Variants in HGF observed in about 807,000 individuals in gnomAD.
The protein encoded by HGF is hepatocyte growth factor, also known as fibroblast-derived tumor cytotoxic factor.
Under a neutral mutation model 111.6 loss-of-function variants are expected in HGF, and 39 were observed. The observed-to-expected ratio is 0.35, with a 90% CI of 0.27 to 0.46. HGF has a LOEUF of 0.46. Ranked by LOEUF, HGF falls within the 20% of genes least tolerant of loss-of-function variation. HGF has a pLI of 1.00. For synonymous variants in HGF, 285 were observed against 294.8 expected, an observed-to-expected ratio of 0.97 and a Z score of 0.34; for missense variants, 735 against 910.5, an observed-to-expected ratio of 0.81 and a Z score of 2.48.
In HGF at chr7:81,706,447, T is replaced by C. The variant is rs771151236; in HGVS notation, c.1617-20A>G. The stretch of plus-strand genomic sequence containing the variant: ...AAGTCTCTGTTTTGAAGGAAAAAAA[T>C]TTAAATGTAAAACATAATAATTCCA... On this transcript the variant is annotated intron_variant, in intron 14 of 17. Coordinates refer to ENST00000222390, the MANE Select transcript of HGF (RefSeq NM_000601.6). The C allele has an allele frequency of 5.0e-6, 8 of 1,592,988 alleles. No individual in the cohort carries two copies. Among genetic ancestry groups the C allele is most frequent in the Non-Finnish European group, 6.9e-6 (8 of 1,161,532 alleles).
chr7:81,736,633 A>G, intron 7 of HGF: 1 of 436,706 alleles, frequency 2.3e-6, no homozygotes, highest in Non-Finnish European at 4.5e-6. Context: ...CCAACTAGGT[A>G]AGGAAGAAAG....
intron 6 of HGF, 46 bp from the exon 7 acceptor site, chr7:81,743,517 C>T (rs779797115): frequency 1.8e-6 from 2 of 1,132,858 alleles, no homozygotes; most frequent in Non-Finnish European, 2.7e-6. Context: ...TGCCTGGAAA[C>T]ACCACCCACC....
intron 5 of HGF, among the ~76,000 whole-genome samples, chr7:81,745,808 G>A (rs5745658): frequency 3.9e-4 from 60 of 152,300 alleles, no homozygotes; most frequent in African/African-American, 1.3e-3. Flanking sequence ...ATAAGCTAAT[G>A]TAATTAGGTA....
At chr7:81,729,844 T>TTAGA in intron 7 of HGF, 65 bp from the exon 8 acceptor site, 1 of 1,474,030 alleles carries the variant, frequency 6.8e-7, no homozygotes, top group Non-Finnish European at 9.4e-7. Context: ...CATTTGCCTC[T>TTAGA]TAGAGTTCAT....
chr7:81,718,581 C>T (rs5745712), intron 10 of HGF, among the ~76,000 whole-genome samples: 3,495 of 152,200 alleles, frequency 0.023, 133 homozygotes, highest in African/African-American at 0.078. Context: ...TTCCAAAAGT[C>T]AAACCTAAAC....
chr7:81,716,141 G>C (rs1487449427), intron 11 of HGF, among the ~76,000 whole-genome samples: 6 of 152,048 alleles, frequency 3.9e-5, no homozygotes, highest in Non-Finnish European at 7.4e-5. Context: ...GCCCTCCAGG[G>C]GACATTGGCA....
chr7:81,746,482 T>C (rs967628692), intron 5 of HGF, among the ~76,000 whole-genome samples: 6 of 152,168 alleles, frequency 3.9e-5, no homozygotes, highest in African/African-American at 1.4e-4. Context: ...TATCTCTCTC[T>C]TTTTTTAAAG....
chr7:81,733,515 A>G (rs1044716994), intron 7 of HGF, among the ~76,000 whole-genome samples: 1 of 152,030 alleles, frequency 6.6e-6, no homozygotes, highest in Admixed American at 6.6e-5. Flanking sequence ...CACAAACTAG[A>G]GTATTTAGCT....
At chr7:81,752,032 T>A (rs2116115474) in intron 5 of HGF, 88 bp downstream of exon 5, 1 of 1,575,422 alleles carries the variant, frequency 6.3e-7, no homozygotes, top group East Asian at 2.3e-5. Flanking sequence ...TTGTTATGAT[T>A]GATTCGTTGC....
Position 81,743,471 on chromosome 7 carries a change from T to TGG in HGF, c.747-1_747insCC (p.Arg249SerfsTer46). 1 of 1,587,302 alleles carries TGG rather than the reference T, an allele frequency of 6.3e-7. No homozygotes were observed. Among genetic ancestry groups the TGG allele is most frequent in the Non-Finnish European group, 8.7e-7 (1 of 1,155,482 alleles). On this transcript the variant is annotated frameshift_variant and splice_region_variant. Transcript: ENST00000222390. LOFTEE classifies it high-confidence loss of function. ...TATCATCAAAGCCCTTGTCGGGATA[T>TGG]CTGCAAACCACACCAAGAAAAGTGT...
At chr7:81,709,493 T>G (rs1363773384) in intron 13 of HGF, among the ~76,000 whole-genome samples, 5 of 152,200 alleles carry the variant, frequency 3.3e-5, no homozygotes, top group South Asian at 2.1e-4. Flanking sequence ...TTAATTCTTA[T>G]GACATAATTA....
At chr7:81,713,997 T>C (rs911441547) in intron 11 of HGF, among the ~76,000 whole-genome samples, 16 of 135,442 alleles carry the variant, frequency 1.2e-4, no homozygotes, top group African/African-American at 3.5e-4. Flanking sequence ...TGCGTGTGTG[T>C]GTGTGTGTGT....
chr7:81,706,307 C>A lies in HGF; in HGVS notation c.1737G>T (p.Leu579=). Residue 579 remains leucine (L), a synonymous_variant, in exon 15 of 18, where the codon CTG becomes CTT. Transcript: ENST00000222390. Reference sequence around the variant, plus strand: ...CTAACCTGGCAAGCTTCATTAAAACCAGATCTGATCCTTCAGGGCCATATA... The same window carrying A: ...CTAACCTGGCAAGCTTCATTAAAACAAGATCTGATCCTTCAGGGCCATATA... ...QLVYGPEGSD[L]VLMKLARPAV... is the part of the protein sequence containing the mutation. 1 of 1,612,636 alleles carries A rather than the reference C, an allele frequency of 6.2e-7. No homozygotes were observed.
At chr7:81,708,186 C>T (rs1789477257) in intron 13 of HGF, among the ~76,000 whole-genome samples, 1 of 152,018 alleles carries the variant, frequency 6.6e-6, no homozygotes, top group African/African-American at 2.4e-5. Flanking sequence ...TGGCCTTTAC[C>T]ACACAGGAGG....
intron 12 of HGF, among the ~76,000 whole-genome samples, chr7:81,711,233 G>A (rs142038816): frequency 1.3e-3 from 196 of 152,178 alleles, no homozygotes; most frequent in African/African-American, 4.6e-3. Flanking sequence ...CACTCTTTTC[G>A]AAATCACATA....
chr7:81,731,848 T>C (rs1787668001), intron 7 of HGF, among the ~76,000 whole-genome samples: 1 of 152,114 alleles, frequency 6.6e-6, no homozygotes, highest in Admixed American at 6.6e-5. Flanking sequence ...CTTAACATGC[T>C]AAAAGAAAAT....
At position 81,701,430 on chromosome 7, in the gene HGF, T is replaced by C. The variant is rs1180291334; in HGVS notation, c.*1151A>G. Reference sequence around the variant, plus strand: ...TTTCTCCAATATATACTTTAATGCATGACTTGATGAAGGGTATTTATAAAA... The same window carrying C: ...TTTCTCCAATATATACTTTAATGCACGACTTGATGAAGGGTATTTATAAAA... On this transcript the variant is annotated 3_prime_UTR_variant, in exon 18 of 18. Transcript: ENST00000222390. The C allele has an allele frequency of 6.6e-6, 1 of 151,552 alleles. No homozygotes were observed. The highest frequency in any genetic ancestry group is 1.5e-5 in the Non-Finnish European group (1 of 67,630). The allele number at this position is 151,552 out of a possible 1,614,324, so 9.4% of individuals were successfully genotyped here.
chr7:81,759,571 C>T (rs922832175), intron 2 of HGF, among the ~76,000 whole-genome samples: 61 of 151,616 alleles, frequency 4.0e-4, no homozygotes, highest in Non-Finnish European at 4.0e-4. Flanking sequence ...GTGGTGTGAT[C>T]TCGGCTCACT....
intron 11 of HGF, among the ~76,000 whole-genome samples, chr7:81,714,654 C>T (rs1358096249): frequency 6.6e-6 from 1 of 151,644 alleles, no homozygotes; most frequent in Non-Finnish European, 1.5e-5. Context: ...TTTATGTTTG[C>T]ATATTTGATA....
Sources: gnomAD v4.1 joint callset for allele counts (sites outside exome capture counted in the v4.1 genomes callset) on GRCh38, gnomAD v4.1.1 for gene constraint, MANE v1.5 for transcripts, NCBI Gene and HGNC (gene_info 2026-07-23, HGNC 2026-07-21) for gene names.